NUP210L: variants seen among roughly 807,000 people sequenced by gnomAD.
NUP210L encodes the protein nucleoporin 210 like.
NUP210L carries 74 observed loss-of-function variants against 208.5 expected under a neutral mutation model. The ratio of observed to expected loss-of-function variants is 0.35; its 90% CI spans 0.29 to 0.43. The LOEUF (loss-of-function observed/expected upper bound fraction) is 0.43, where lower values mean the gene tolerates loss of function less well. Ranked by LOEUF, NUP210L falls within the 20% of genes least tolerant of loss-of-function variation. NUP210L has a pLI of 1.00. For synonymous variants in NUP210L, 780 were observed against 816.9 expected, an observed-to-expected ratio of 0.95 and a Z score of 0.77; for missense variants, 1,843 against 2,289.4, an observed-to-expected ratio of 0.81 and a Z score of 3.98.
chr1:154,100,586 T>C lies in NUP210L; in HGVS notation c.1820-443A>G, dbSNP rs1295368954. 2.0e-5 allele frequency among the ~76,000 whole-genome samples: 3 copies of C among 149,050 alleles called. No homozygotes were observed. The East Asian group carries it at 6.1e-4, about 30-fold the overall frequency. On this transcript the variant is annotated intron_variant, in intron 13 of 39. Coordinates refer to ENST00000368559, the Ensembl canonical transcript of NUP210L. ...CAGGCTGGAGTGCAATGGTGCAATC[T>C]TGGCTCACTGCAACCTCAGCCTCCT...
chr1:154,078,071 G>A (rs1267420084), intron 16 of NUP210L, among the ~76,000 whole-genome samples: 2 of 151,806 alleles, frequency 1.3e-5, no homozygotes, highest in East Asian at 1.9e-4. Context: ...TTGGGAGGTC[G>A]AGGTGGGCGG....
chr1:154,081,343 C>A (rs1655313258), intron 16 of NUP210L, among the ~76,000 whole-genome samples: 3 of 152,076 alleles, frequency 2.0e-5, no homozygotes, highest in Admixed American at 1.3e-4. Context: ...AAGAAAAGGT[C>A]ATTTTATAAT....
chr1:154,137,924 C>T (rs369697875), intron 6 of NUP210L, among the ~76,000 whole-genome samples, 182 bp downstream of exon 6: 2 of 152,140 alleles, frequency 1.3e-5, no homozygotes, highest in African/African-American at 4.8e-5. Flanking sequence ...CCTAACTATG[C>T]CATTAATATG....
At chr1:154,001,598 T>G in intron 36 of NUP210L, 137 bp downstream of exon 36, 1 of 989,780 alleles carries the variant, frequency 1.0e-6, no homozygotes. Flanking sequence ...ATGGGTTTTC[T>G]TCATTTGATT....
chr1:154,152,600 C>G, intron 2 of NUP210L, 136 bp downstream of exon 2: 2 of 773,514 alleles, frequency 2.6e-6, no homozygotes, highest in Non-Finnish European at 4.1e-6. Context: ...GCGTGAGCCA[C>G]TGCAGCCAGC....
At chr1:154,104,118 A>G in exon 13 of NUP210L, 1 of 1,613,816 alleles carries the variant, frequency 6.2e-7, no homozygotes, top group Non-Finnish European at 8.5e-7. Context: ...TATTTATGTG[A>G]TACATTGCAA....
intron 35 of NUP210L, among the ~76,000 whole-genome samples, chr1:154,005,576 G>A (rs1650476828): frequency 6.6e-6 from 1 of 150,750 alleles, no homozygotes; most frequent in African/African-American, 2.4e-5. Flanking sequence ...TGCTCCTGTT[G>A]CCTAGGCTGG....
chr1:154,041,645 A>G (rs1162011086), intron 27 of NUP210L, among the ~76,000 whole-genome samples: 5 of 140,298 alleles, frequency 3.6e-5, no homozygotes, highest in South Asian at 2.3e-4. Context: ...AAAACTAGAG[A>G]AAAAAAAAAA....
chr1:154,150,591 G>A (rs1050354946), intron 2 of NUP210L, among the ~76,000 whole-genome samples: 2 of 151,926 alleles, frequency 1.3e-5, no homozygotes, highest in Admixed American at 6.6e-5. Flanking sequence ...AGCCAGGCGT[G>A]GTGGCGCATG....
intron 15 of NUP210L, among the ~76,000 whole-genome samples, chr1:154,091,476 A>G (rs1655905690): frequency 6.7e-6 from 1 of 148,340 alleles, no homozygotes; most frequent in African/African-American, 2.5e-5. Flanking sequence ...GATAAGCAAC[A>G]TGTCTTTTTC....
At chr1:154,074,295 C>T (rs749740351) in intron 16 of NUP210L, among the ~76,000 whole-genome samples, 5 of 152,044 alleles carry the variant, frequency 3.3e-5, no homozygotes, top group African/African-American at 4.8e-5. Context: ...AGGAGGATTA[C>T]AAAATCATAA....
chr1:154,088,273 G>A (rs1266151618), intron 16 of NUP210L, among the ~76,000 whole-genome samples: 2 of 151,916 alleles, frequency 1.3e-5, no homozygotes, highest in African/African-American at 2.4e-5. Context: ...GGAAAGTTGA[G>A]GTGGCAGATG....
chr1:154,004,907 G>T (rs1650426115), intron 35 of NUP210L, among the ~76,000 whole-genome samples: 1 of 131,664 alleles, frequency 7.6e-6, no homozygotes. Context: ...AGGCTGGAGT[G>T]TAGTGGCATA....
exon 29 of NUP210L, chr1:154,027,583 G>A (rs1651966450): frequency 2.5e-6 from 4 of 1,612,604 alleles, no homozygotes; most frequent in Non-Finnish European, 3.4e-6. Flanking sequence ...AGAAGAGTTG[G>A]AGTTTTTCAA....
At chr1:154,061,766 C>A in intron 17 of NUP210L, 92 bp from the exon 18 acceptor site, 1 of 799,904 alleles carries the variant, frequency 1.3e-6, no homozygotes, top group East Asian at 2.6e-5. Context: ...ACAGTTTTTC[C>A]AAATGGTGCT....
intron 12 of NUP210L, among the ~76,000 whole-genome samples, chr1:154,109,518 T>C (rs1051802105): frequency 2.1e-5 from 3 of 143,262 alleles, no homozygotes; most frequent in Non-Finnish European, 4.5e-5. Flanking sequence ...GCATCAAACT[T>C]AGTCTACAAT....
Position 154,145,275 on chromosome 1 carries a change from G to A in NUP210L, c.341-1698C>T, listed in dbSNP as rs972647807. On this transcript the variant is annotated intron_variant, in intron 2 of 39. Coordinates refer to ENST00000368559, the Ensembl canonical transcript of NUP210L. Reference sequence around the variant, plus strand: ...TCTACTAAAAATACAAAAATTAGCCGGGCGTGGTGGTGCACGCCTGTAGTC... The same window carrying A: ...TCTACTAAAAATACAAAAATTAGCCAGGCGTGGTGGTGCACGCCTGTAGTC... 1.0e-3 allele frequency among the ~76,000 whole-genome samples: 154 copies of A among 151,650 alleles called. 1 individual carries two copies. The highest frequency in any genetic ancestry group is 2.4e-4 in the Non-Finnish European group (16 of 67,974).
chr1:154,066,714 AAGAG>A (rs1347219320), intron 17 of NUP210L, among the ~76,000 whole-genome samples: 1 of 152,224 alleles, frequency 6.6e-6, no homozygotes, highest in Non-Finnish European at 1.5e-5. Context: ...TAAAGAAGAA[AAGAG>A]AGAGGAATCA....
chr1:154,099,863 C>CA, intron 14 of NUP210L, 135 bp downstream of exon 14: 2 of 885,374 alleles, frequency 2.3e-6, no homozygotes, highest in Non-Finnish European at 3.5e-6. Flanking sequence ...GATCTAAAAA[C>CA]AAAAAAGTGG....
Sources: gnomAD v4.1 joint callset for allele counts (sites outside exome capture counted in the v4.1 genomes callset) on GRCh38, gnomAD v4.1.1 for gene constraint, MANE v1.5 for transcripts, NCBI Gene and HGNC (gene_info 2026-07-23, HGNC 2026-07-21) for gene names.